UBE2D2: variants seen among roughly 807,000 people sequenced by gnomAD.
The protein encoded by UBE2D2 is ubiquitin-conjugating enzyme E2 D2.
A neutral mutation model predicts 24.2 loss-of-function variants in UBE2D2; 2 were observed. That is an observed-to-expected ratio of 0.08 (90% CI 0.03 to 0.26). UBE2D2 has a LOEUF of 0.26. Among genes scored for constraint, UBE2D2 ranks in the 10% least tolerant of loss-of-function variants. The pLI is 1.00. For missense variants in UBE2D2, 44 were observed against 177.6 expected (o/e 0.25, Z 4.28); for synonymous variants, 58 against 56.5 (o/e 1.03, Z -0.12).
intron 1 of UBE2D2, chr5:139,562,044 C>A: frequency 1.2e-6 from 1 of 825,058 alleles, no homozygotes; most frequent in Non-Finnish European, 1.8e-6. Context: ...TCCTCCCCGG[C>A]TGCCCTTCCA....
At chr5:139,600,481 A>T (rs1160621776) in intron 2 of UBE2D2, 46 bp downstream of exon 2, 1 of 1,595,536 alleles carries the variant, frequency 6.3e-7, no homozygotes, top group Admixed American at 1.7e-5. Context: ...AACAGTGGTT[A>T]TTTTGTGTGA....
At chr5:139,559,500 T>C (rs1280314238), upstream of UBE2D2, among the ~76,000 whole-genome samples, 1 of 151,874 alleles carries the variant, frequency 6.6e-6, no homozygotes, top group South Asian at 2.1e-4. Flanking sequence ...GAAGAAAATA[T>C]CTGGGGCTGT....
chr5:139,526,666 G>A (rs897805430), intron 1 of UBE2D2: 13 of 152,160 alleles, frequency 8.5e-5, no homozygotes, highest in Non-Finnish European at 1.8e-4. Flanking sequence ...AGCGTGGCCT[G>A]ATCACCCACG....
chr5:139,586,621 C>T (rs1418654974), intron 1 of UBE2D2, among the ~76,000 whole-genome samples: 5 of 152,002 alleles, frequency 3.3e-5, no homozygotes, highest in African/African-American at 7.2e-5. Context: ...AAAAATTAGC[C>T]GGGCGTGGTG....
intron 1 of UBE2D2, among the ~76,000 whole-genome samples, chr5:139,534,955 A>G (rs922089837): frequency 1.3e-5 from 2 of 151,806 alleles, no homozygotes; most frequent in Non-Finnish European, 2.9e-5. Context: ...CCTGGGCAAC[A>G]TGGCAAAACC....
At chr5:139,590,860 T>C (rs1276564189) in intron 1 of UBE2D2, among the ~76,000 whole-genome samples, 1 of 138,892 alleles carries the variant, frequency 7.2e-6, no homozygotes, top group African/African-American at 2.7e-5. Context: ...AGTGGCGCGA[T>C]CTTGGCTCAT....
At chr5:139,547,099 G>A (rs1752842045) in intron 1 of UBE2D2, among the ~76,000 whole-genome samples, 1 of 151,686 alleles carries the variant, frequency 6.6e-6, no homozygotes, top group Admixed American at 6.6e-5. Context: ...GACCATCCTG[G>A]CTAACACGGT....
chr5:139,605,274 T>C (rs1036719056), intron 2 of UBE2D2, among the ~76,000 whole-genome samples: 4 of 152,108 alleles, frequency 2.6e-5, no homozygotes, highest in Non-Finnish European at 4.4e-5. Context: ...AAAGATCTGG[T>C]AAGCAGGAAG....
chr5:139,595,302 A>G (rs934031177), intron 1 of UBE2D2, among the ~76,000 whole-genome samples: 2 of 152,148 alleles, frequency 1.3e-5, no homozygotes, highest in African/African-American at 2.4e-5. Context: ...ATCATGATGT[A>G]GAGATATCAG....
intron 1 of UBE2D2, among the ~76,000 whole-genome samples, chr5:139,571,930 A>T (rs1047517089): frequency 1.3e-4 from 18 of 137,480 alleles, no homozygotes; most frequent in Non-Finnish European, 1.9e-4. Context: ...TTTCCCCTAT[A>T]AAAAAAAAAA....
At chr5:139,536,665 T>C (rs752426272) in intron 1 of UBE2D2, among the ~76,000 whole-genome samples, 2 of 151,770 alleles carry the variant, frequency 1.3e-5, no homozygotes, top group Non-Finnish European at 2.9e-5. Flanking sequence ...AATTTTTGTA[T>C]TTTTAGTAGA....
upstream of UBE2D2, among the ~76,000 whole-genome samples, chr5:139,560,094 C>T (rs1168630926): frequency 3.4e-5 from 5 of 148,174 alleles, no homozygotes; most frequent in Non-Finnish European, 5.9e-5. Flanking sequence ...AGTGCAATGG[C>T]GTGCTCTCGG....
chr5:139,588,400 C>G (rs1404522597), intron 1 of UBE2D2, among the ~76,000 whole-genome samples: 1 of 152,082 alleles, frequency 6.6e-6, no homozygotes. Flanking sequence ...CTCAGCCTCC[C>G]AAGTAGCTGG....
chr5:139,551,063 C>T (rs933931598), intron 1 of UBE2D2, among the ~76,000 whole-genome samples: 4 of 151,932 alleles, frequency 2.6e-5, no homozygotes, highest in South Asian at 2.1e-4. Flanking sequence ...ATTTCACCGG[C>T]GGGGGAGGGG....
chr5:139,582,697 G>C (rs1165638604), intron 1 of UBE2D2, among the ~76,000 whole-genome samples: 2 of 133,254 alleles, frequency 1.5e-5, no homozygotes, highest in Non-Finnish European at 3.1e-5. Context: ...TTGAGACAGA[G>C]TCTTGCTCTG....
intron 1 of UBE2D2, among the ~76,000 whole-genome samples, chr5:139,572,490 A>C (rs1030327257): frequency 5.3e-5 from 8 of 151,954 alleles, no homozygotes; most frequent in African/African-American, 1.5e-4. Context: ...CTGCTACTCA[A>C]AAGGCCAAGA....
At chr5:139,537,310 G>T (rs1752696505) in intron 1 of UBE2D2, among the ~76,000 whole-genome samples, 1 of 151,794 alleles carries the variant, frequency 6.6e-6, no homozygotes, top group South Asian at 2.1e-4. Flanking sequence ...ATGTAAACAG[G>T]GTTCATACAT....
At chr5:139,611,726 T>C (rs1754324408) in intron 2 of UBE2D2, among the ~76,000 whole-genome samples, 1 of 152,210 alleles carries the variant, frequency 6.6e-6, no homozygotes, top group Non-Finnish European at 1.5e-5. Context: ...TTATAATTGT[T>C]ATAAAGGTGA....
intron 1 of UBE2D2, among the ~76,000 whole-genome samples, chr5:139,570,380 G>T (rs371754397): frequency 2.0e-5 from 3 of 151,922 alleles, no homozygotes; most frequent in East Asian, 1.9e-4. Context: ...TACCTCTGTC[G>T]CCCAGGCTGA....
Sources: gnomAD v4.1 joint callset for allele counts (sites outside exome capture counted in the v4.1 genomes callset) on GRCh38, gnomAD v4.1.1 for gene constraint, MANE v1.5 for transcripts, NCBI Gene and HGNC (gene_info 2026-07-23, HGNC 2026-07-21) for gene names.